The following MEGF11 variants were observed in gnomAD, a reference collection of about 807,000 sequenced individuals.
MEGF11 encodes the protein multiple EGF like domains 11, also known as multiple epidermal growth factor-like domains protein 11.
Under a neutral mutation model 146.6 loss-of-function variants are expected in MEGF11, and 126 were observed. The observed-to-expected ratio is 0.86, with a 90% CI of 0.74 to 1.00. The LOEUF is 1.00. Among genes scored for constraint, MEGF11 ranks in the 50% least tolerant of loss-of-function variants. The pLI is 0.00. For missense variants in MEGF11, 1,509 were observed against 1,521.2 expected, an observed-to-expected ratio of 0.99 and a Z score of 0.13; for synonymous variants, 532 against 583.4, an observed-to-expected ratio of 0.91 and a Z score of 1.27.
intron 5 of MEGF11, among the ~76,000 whole-genome samples, chr15:66,000,471 G>A (rs780658688): frequency 6.6e-6 from 1 of 152,076 alleles, no homozygotes; most frequent in Non-Finnish European, 1.5e-5. Flanking sequence ...ATTCCAGGCT[G>A]CAGTGAGCTA....
At chr15:65,901,038 C>T (rs2078483010) in intron 24 of MEGF11, among the ~76,000 whole-genome samples, 1 of 152,228 alleles carries the variant, frequency 6.6e-6, no homozygotes, top group Admixed American at 6.5e-5. Flanking sequence ...GATGGCACAT[C>T]TGTGTATGGA....
intron 5 of MEGF11, among the ~76,000 whole-genome samples, chr15:65,990,067 C>T (rs2081980929): frequency 6.6e-6 from 1 of 152,050 alleles, no homozygotes; most frequent in Admixed American, 6.5e-5. Flanking sequence ...TAAAATTATC[C>T]AGCTGTGGTG....
chr15:66,051,703 T>C (rs776999035), intron 5 of MEGF11, among the ~76,000 whole-genome samples: 11 of 152,074 alleles, frequency 7.2e-5, no homozygotes, highest in Non-Finnish European at 1.2e-4. Flanking sequence ...CTTGGCTCTG[T>C]GTAGCTTCTG....
intron 5 of MEGF11, among the ~76,000 whole-genome samples, chr15:65,993,372 C>CTTT (rs757918593): frequency 6.6e-5 from 10 of 152,202 alleles, no homozygotes; most frequent in Non-Finnish European, 1.0e-4. Context: ...CACCCACAGG[C>CTTT]TTTTAATGAA....
intron 9 of MEGF11, among the ~76,000 whole-genome samples, chr15:65,963,740 C>G (rs1160612704): frequency 6.6e-6 from 1 of 152,244 alleles, no homozygotes; most frequent in Non-Finnish European, 1.5e-5. Flanking sequence ...TGGACAGTCT[C>G]TTTCCCGGGC....
chr15:66,150,262 G>A (rs1367566371), intron 1 of MEGF11, among the ~76,000 whole-genome samples: 1 of 152,182 alleles, frequency 6.6e-6, no homozygotes, highest in Non-Finnish European at 1.5e-5. Flanking sequence ...GTTGGGATCA[G>A]GAATAATTAG....
chr15:66,141,451 G>A (rs2089165542), intron 1 of MEGF11, among the ~76,000 whole-genome samples: 1 of 152,060 alleles, frequency 6.6e-6, no homozygotes, highest in Non-Finnish European at 1.5e-5. Context: ...GGCTGGCTGT[G>A]TGACCTTGGG....
rs368302482 is a variant in MEGF11 at position 65,974,676 on chromosome 15, G to T, written c.763-3987C>A. Among the ~76,000 whole-genome samples the T allele has an allele frequency of 2.0e-5, 3 of 152,038 alleles. No homozygotes were observed. The East Asian group carries it at 5.8e-4, about 29-fold the overall frequency. ...TCTCAAAAGAAAAAAAGAAAAGTCA[G>T]AGTAGGGGTCCTTCTTCCTCCTGGA... On this transcript the variant is annotated intron_variant, in intron 7 of 25. Transcript: ENST00000395614.
chr15:66,087,930 G>A (rs1211079083), intron 5 of MEGF11, among the ~76,000 whole-genome samples: 1 of 152,168 alleles, frequency 6.6e-6, no homozygotes, highest in Admixed American at 6.6e-5. Context: ...CCATTAGCCA[G>A]ATTAACCAAG....
chr15:65,957,535 C>T lies in MEGF11; in HGVS notation c.1287+12G>A, dbSNP rs111676384. 1,173 of 1,611,316 alleles carry T rather than the reference C, an allele frequency of 7.3e-4. 8 individuals are homozygous for T. The African/African-American group carries it at 0.013, about 18-fold the overall frequency. The stretch of plus-strand genomic sequence containing the variant: ...AGGTCAGGAAGGCCACGGGAGGCCC[C>T]TCCCATCTTACCATGAAGCCCGGAG... On this transcript the variant is annotated intron_variant, in intron 10 of 25. Transcript: ENST00000395614.
chr15:66,091,993 T>G (rs2086340958), intron 5 of MEGF11, among the ~76,000 whole-genome samples: 1 of 152,234 alleles, frequency 6.6e-6, no homozygotes. Context: ...TGCTCTGAGA[T>G]GATCATTTCT....
chr15:65,944,403 G>A (rs968143478), intron 10 of MEGF11, among the ~76,000 whole-genome samples: 5 of 152,182 alleles, frequency 3.3e-5, no homozygotes, highest in African/African-American at 7.2e-5. Flanking sequence ...AAGGGTATTC[G>A]AGGGAATGGG....
At chr15:66,229,795 A>C (rs1487633660) in intron 1 of MEGF11, among the ~76,000 whole-genome samples, 1 of 152,182 alleles carries the variant, frequency 6.6e-6, no homozygotes, top group African/African-American at 2.4e-5. Context: ...GGACAAGGAC[A>C]CAGAGCTGGC....
intron 5 of MEGF11, among the ~76,000 whole-genome samples, chr15:66,046,142 A>G (rs1211027612): frequency 1.3e-5 from 2 of 152,176 alleles, no homozygotes; most frequent in Non-Finnish European, 2.9e-5. Flanking sequence ...AGCTGTGGCA[A>G]CTGAGGCTCA....
chr15:65,928,367 G>A, intron 13 of MEGF11, 58 bp downstream of exon 13: 1 of 1,180,736 alleles, frequency 8.5e-7, no homozygotes, highest in Non-Finnish European at 1.2e-6. Context: ...AAGAGAAGTA[G>A]GATACCAAGA....
intron 1 of MEGF11, among the ~76,000 whole-genome samples, chr15:66,235,405 G>A (rs984508012): frequency 1.3e-4 from 19 of 151,878 alleles, no homozygotes; most frequent in African/African-American, 4.1e-4. Flanking sequence ...GGGAGGCTGA[G>A]ATGAGGGGAC....
At chr15:66,246,649 A>T (rs894049259) in intron 1 of MEGF11, among the ~76,000 whole-genome samples, 2 of 150,542 alleles carry the variant, frequency 1.3e-5, no homozygotes, top group Admixed American at 6.6e-5. Context: ...CACCAAAAAA[A>T]AAAATAAAAA....
chr15:66,229,670 T>C (rs757282252), intron 1 of MEGF11, among the ~76,000 whole-genome samples: 17 of 152,126 alleles, frequency 1.1e-4, no homozygotes, highest in Non-Finnish European at 2.4e-4. Context: ...TGAGTCTCTC[T>C]CTGCTCTGGG....
At chr15:66,126,097 GC>G (rs2140948657) in intron 2 of MEGF11, among the ~76,000 whole-genome samples, 1 of 152,302 alleles carries the variant, frequency 6.6e-6, no homozygotes, top group Non-Finnish European at 1.5e-5. Context: ...GGCTTTACTA[GC>G]CGGGAGAGGT....
Sources: allele counts gnomAD v4.1 joint callset (sites outside exome capture counted in the v4.1 genomes callset), GRCh38; gene constraint gnomAD v4.1.1; transcripts MANE v1.5; gene names NCBI Gene and HGNC (gene_info 2026-07-23, HGNC 2026-07-21).